Variants in SORCS3 observed in about 807,000 individuals in gnomAD.
The protein encoded by SORCS3 is VPS10 domain-containing receptor SorCS3.
In SORCS3, 57 loss-of-function variants were observed where a neutral mutation model predicts 146.3. The ratio of observed to expected loss-of-function variants is 0.39; its 90% CI spans 0.31 to 0.49. The LOEUF is 0.49. SORCS3 is among the 20% of genes least tolerant of loss of function. The pLI, the probability that SORCS3 is intolerant of heterozygous loss-of-function variation, is 0.92. For synonymous variants in SORCS3, 653 were observed against 618.5 expected, an observed-to-expected ratio of 1.06 and a Z score of -0.83; for missense variants, 1,341 against 1,575.5, an observed-to-expected ratio of 0.85 and a Z score of 2.52.
Position 104,883,977 on chromosome 10 carries a change from A to C in SORCS3, c.696-31856A>C, listed in dbSNP as rs10884062. On this transcript the variant is annotated intron_variant, in intron 2 of 26. Coordinates refer to ENST00000369701, the MANE Select transcript of SORCS3 (RefSeq NM_014978.3). Reference sequence around the variant, plus strand: ...ACATCCACTGTTCTGCTGTGGAATGAGGGGGGGGAAAGGGTCCTACCCTAT... The same window carrying C: ...ACATCCACTGTTCTGCTGTGGAATGCGGGGGGGGAAAGGGTCCTACCCTAT... 3.6e-3 allele frequency among the ~76,000 whole-genome samples: 539 copies of C among 147,792 alleles called. 8 individuals are homozygous for C. Among genetic ancestry groups the C allele is most frequent in the African/African-American group, 0.013 (497 of 39,084 alleles).
chr10:104,842,736 T>TC, intron 1 of SORCS3, 56 bp from the exon 2 acceptor site: 1 of 1,191,752 alleles, frequency 8.4e-7, no homozygotes, highest in Non-Finnish European at 1.2e-6. Context: ...AAAGTAAGCT[T>TC]CCTTTTTTCC....
chr10:104,871,753 A>C (rs1047231110), intron 2 of SORCS3, among the ~76,000 whole-genome samples: 4 of 152,124 alleles, frequency 2.6e-5, no homozygotes, highest in Admixed American at 2.6e-4. Flanking sequence ...CGTGCCCCTG[A>C]GACACAACTT....
intron 1 of SORCS3, among the ~76,000 whole-genome samples, chr10:104,708,308 G>T (rs1312190747): frequency 6.6e-6 from 1 of 152,182 alleles, no homozygotes; most frequent in Non-Finnish European, 1.5e-5. Flanking sequence ...AATATGGGCT[G>T]CATGAGTGTC....
rs1023794156 is a variant in SORCS3, at chr10:105,079,334, A to T, written c.1029-10441A>T. Among the ~76,000 whole-genome samples, 3 of 152,344 alleles carry T rather than the reference A, an allele frequency of 2.0e-5. No individual in the cohort carries two copies. In the South Asian group the frequency reaches 6.2e-4, roughly 32 times the overall value. On this transcript the variant is annotated intron_variant, in intron 5 of 26. Coordinates refer to ENST00000369701, the MANE Select transcript of SORCS3 (RefSeq NM_014978.3). ...AGTTCCTCAAGTGATACTAATATTC[A>T]GCCCGGGTCATGAGCTTTCACAGAA...
At chr10:105,215,368 G>C (rs937847212) in intron 18 of SORCS3, among the ~76,000 whole-genome samples, 5 of 152,154 alleles carry the variant, frequency 3.3e-5, no homozygotes, top group African/African-American at 1.2e-4. Flanking sequence ...AAATTGCTCT[G>C]TGCTCTTGAG....
At chr10:104,676,487 G>C (rs754746344) in intron 1 of SORCS3, among the ~76,000 whole-genome samples, 8 of 152,224 alleles carry the variant, frequency 5.3e-5, no homozygotes, top group Non-Finnish European at 8.8e-5. Flanking sequence ...AGAGAAGCAA[G>C]AGAGAAAATG....
At chr10:104,875,590 T>C (rs1262591798) in intron 2 of SORCS3, among the ~76,000 whole-genome samples, 1 of 152,158 alleles carries the variant, frequency 6.6e-6, no homozygotes, top group Non-Finnish European at 1.5e-5. Context: ...CAATGTTTAC[T>C]TAAGATAAAC....
chr10:105,054,033 A>G (rs1444581824), intron 5 of SORCS3, among the ~76,000 whole-genome samples: 1 of 152,124 alleles, frequency 6.6e-6, no homozygotes, highest in Non-Finnish European at 1.5e-5. Context: ...TTAATATGCA[A>G]AAATGGGTTT....
intron 2 of SORCS3, among the ~76,000 whole-genome samples, chr10:104,853,899 C>G (rs145866613): frequency 3.3e-5 from 5 of 152,140 alleles, no homozygotes; most frequent in African/African-American, 1.2e-4. Context: ...GTTCCAGGAG[C>G]TTTAACCATA....
intron 2 of SORCS3, among the ~76,000 whole-genome samples, chr10:104,846,677 C>G (rs2018209389): frequency 6.6e-6 from 1 of 152,128 alleles, no homozygotes; most frequent in African/African-American, 2.4e-5. Context: ...TCCAGAATAC[C>G]TTGGTGCTCT....
intron 1 of SORCS3, among the ~76,000 whole-genome samples, chr10:104,828,820 C>A (rs554339731): frequency 6.6e-6 from 1 of 152,264 alleles, no homozygotes; most frequent in South Asian, 2.1e-4. Context: ...TATCTTCCCA[C>A]CCTGCTCCTG....
intron 3 of SORCS3, among the ~76,000 whole-genome samples, chr10:104,918,764 G>A (rs1322758221): frequency 1.3e-5 from 2 of 152,188 alleles, no homozygotes; most frequent in Non-Finnish European, 2.9e-5. Flanking sequence ...GATATTTGGT[G>A]CATGAAAAGT....
intron 1 of SORCS3, among the ~76,000 whole-genome samples, chr10:104,733,607 G>A (rs972452041): frequency 6.6e-5 from 10 of 150,788 alleles, no homozygotes; most frequent in Middle Eastern, 3.4e-3. Context: ...CAAGCACTGA[G>A]TTAGGTTTAA....
At position 105,187,588 on chromosome 10, in the gene SORCS3, T is replaced by C. The variant is rs535636698; in HGVS notation, c.2009+9415T>C. Among the ~76,000 whole-genome samples the C allele has an allele frequency of 2.6e-5, 4 of 152,270 alleles. No homozygotes were observed. The South Asian group carries it at 8.3e-4, about 32-fold the overall frequency. On this transcript the variant is annotated intron_variant, in intron 14 of 26. Transcript: ENST00000369701. ...TTGAAATCTGTCCTCAGCAGCTTCC[T>C]TCATGGAGGGAGGGAAAGGAGGAGG...
intron 1 of SORCS3, among the ~76,000 whole-genome samples, chr10:104,816,562 G>A (rs2017799986): frequency 6.6e-6 from 1 of 152,206 alleles, no homozygotes; most frequent in South Asian, 2.1e-4. Context: ...ACCTATCAGA[G>A]GTACACCCAA....
chr10:105,146,301 G>A (rs137957384), intron 8 of SORCS3, among the ~76,000 whole-genome samples: 153 of 151,984 alleles, frequency 1.0e-3, no homozygotes, highest in African/African-American at 3.5e-3. Flanking sequence ...AAATTACTTG[G>A]CATTGTAAAC....
At chr10:105,166,762 T>C (rs1392981705) in intron 12 of SORCS3, among the ~76,000 whole-genome samples, 3 of 152,194 alleles carry the variant, frequency 2.0e-5, no homozygotes, top group Non-Finnish European at 2.9e-5. Flanking sequence ...GTGGTGGCTA[T>C]TTCAATTATT....
intron 1 of SORCS3, among the ~76,000 whole-genome samples, chr10:104,750,213 G>T (rs1564675027): frequency 6.6e-6 from 1 of 152,138 alleles, no homozygotes; most frequent in Non-Finnish European, 1.5e-5. Flanking sequence ...TGATCACTGG[G>T]ACTGCAATGA....
intron 20 of SORCS3, among the ~76,000 whole-genome samples, chr10:105,233,950 A>G (rs2056778943): frequency 1.3e-5 from 2 of 151,894 alleles, no homozygotes; most frequent in African/African-American, 4.8e-5. Context: ...GGGTCAAAAA[A>G]TTTTGCCTTC....
Sources: allele counts gnomAD v4.1 joint callset (sites outside exome capture counted in the v4.1 genomes callset), GRCh38; gene constraint gnomAD v4.1.1; transcripts MANE v1.5; gene names NCBI Gene and HGNC (gene_info 2026-07-23, HGNC 2026-07-21).